Variants in KCNH8 observed in about 807,000 individuals in gnomAD.
KCNH8 encodes the protein voltage-gated delayed rectifier potassium channel KCNH8.
In KCNH8, 70 loss-of-function variants were observed where a neutral mutation model predicts 103.6. The observed-to-expected ratio is 0.68, with a 90% confidence interval of 0.56 to 0.82. The LOEUF (loss-of-function observed/expected upper bound fraction) is 0.82, where lower values mean the gene tolerates loss of function less well. Among genes scored for constraint, KCNH8 ranks in the 40% least tolerant of loss-of-function variants. KCNH8 has a pLI of 0.00. For synonymous variants in KCNH8, 498 were observed against 489.4 expected (o/e 1.02, Z -0.23); for missense variants, 1,217 against 1,329.9 (o/e 0.92, Z 1.32).
At chr3:19,205,261 A>G (rs946697458) in intron 1 of KCNH8, among the ~76,000 whole-genome samples, 1 of 152,074 alleles carries the variant, frequency 6.6e-6, no homozygotes, top group African/African-American at 2.4e-5. Context: ...TAAGTTATTT[A>G]TAGTCTAATG....
At chr3:19,278,545 G>A (rs1271930634) in intron 2 of KCNH8, among the ~76,000 whole-genome samples, 5 of 130,340 alleles carry the variant, frequency 3.8e-5, no homozygotes, top group Non-Finnish European at 6.5e-5. Context: ...AAATAAGGGA[G>A]GAAGGGAGGG....
chr3:19,284,552 T>TGTGG (rs1491346037), intron 3 of KCNH8, among the ~76,000 whole-genome samples: 1 of 135,248 alleles, frequency 7.4e-6, no homozygotes, highest in African/African-American at 2.7e-5. Flanking sequence ...TGTGTGTGTG[T>TGTGG]GAGGGAGAGA....
intron 2 of KCNH8, among the ~76,000 whole-genome samples, chr3:19,260,318 A>G (rs2064413356): frequency 6.6e-6 from 1 of 151,122 alleles, no homozygotes; most frequent in African/African-American, 2.4e-5. Context: ...TGAATCAGGT[A>G]TATTCATATT....
chr3:19,284,293 A>G (rs2064797419), intron 3 of KCNH8, among the ~76,000 whole-genome samples: 1 of 152,150 alleles, frequency 6.6e-6, no homozygotes, highest in Admixed American at 6.6e-5. Context: ...TTTAAGAGAT[A>G]TAAATGGCAT....
intron 7 of KCNH8, 109 bp from the exon 8 acceptor site, chr3:19,438,055 C>T (rs930070732): frequency 3.5e-6 from 3 of 852,352 alleles, no homozygotes; most frequent in Non-Finnish European, 5.7e-6. Flanking sequence ...CTTCTTCTTC[C>T]TCTGAGCAAA....
intron 11 of KCNH8, among the ~76,000 whole-genome samples, chr3:19,469,826 C>T (rs533418162): frequency 6.6e-6 from 1 of 152,248 alleles, no homozygotes; most frequent in Non-Finnish European, 1.5e-5. Flanking sequence ...TCTCAGTGCC[C>T]CTTCTCTTCT....
At chr3:19,377,324 C>G (rs368711102) in intron 5 of KCNH8, among the ~76,000 whole-genome samples, 1 of 152,144 alleles carries the variant, frequency 6.6e-6, no homozygotes. Context: ...GGTTCCTGAT[C>G]AGGGCATTGA....
intron 2 of KCNH8, among the ~76,000 whole-genome samples, chr3:19,271,824 C>T (rs186964629): frequency 2.6e-5 from 4 of 152,218 alleles, no homozygotes; most frequent in East Asian, 3.9e-4. Context: ...CCACATGCAA[C>T]GCCATCTAAA....
rs373757809 is a variant in KCNH8, at chr3:19,314,253, A to G, written c.443-28334A>G. 8.5e-5 allele frequency among the ~76,000 whole-genome samples: 13 copies of G among 152,060 alleles called. 1 individual carries two copies. Among genetic ancestry groups the G allele is most frequent in the Admixed American group, 4.6e-4 (7 of 15,244 alleles). On this transcript the variant is annotated intron_variant, in intron 3 of 15. Transcript: ENST00000328405. ...TATGATAGTAAATATTGTGGGCTTT[A>G]TGGACCATATAAAGTCTATTGATAC...
intron 1 of KCNH8, among the ~76,000 whole-genome samples, chr3:19,224,178 A>G (rs1426190644): frequency 6.6e-6 from 1 of 152,170 alleles, no homozygotes; most frequent in African/African-American, 2.4e-5. Context: ...TAAGTAGAGT[A>G]CCCTAACTCA....
At chr3:19,226,506 T>C (rs1414752921) in intron 1 of KCNH8, among the ~76,000 whole-genome samples, 1 of 152,068 alleles carries the variant, frequency 6.6e-6, no homozygotes, top group Non-Finnish European at 1.5e-5. Context: ...CCGAGTTACA[T>C]TTTGGAGGCA....
chr3:19,512,969 G>C lies in KCNH8; in HGVS notation c.2080-1G>C. 6.2e-7 allele frequency: 1 copy of C among 1,612,336 alleles called. No homozygotes were observed. Among genetic ancestry groups the C allele is most frequent in the East Asian group, 2.2e-5 (1 of 44,844 alleles). On this transcript the variant is annotated splice_acceptor_variant, in intron 12 of 15. Transcript: ENST00000328405. LOFTEE classifies it high-confidence loss of function. ...CTAATTTATATTATCCACTGATTTA[G>C]TCAGAGCCCAAGGGAAATGGCAACA...
chr3:19,490,165 G>A (rs1330057001), intron 11 of KCNH8, among the ~76,000 whole-genome samples: 1 of 152,242 alleles, frequency 6.6e-6, no homozygotes, highest in Non-Finnish European at 1.5e-5. Flanking sequence ...GCAGGCCTAA[G>A]CTGACTAAGG....
chr3:19,216,721 A>G (rs2063821628), intron 1 of KCNH8, among the ~76,000 whole-genome samples: 1 of 152,148 alleles, frequency 6.6e-6, no homozygotes, highest in Admixed American at 6.5e-5. Flanking sequence ...TGTGCTGCTC[A>G]CTCATTGATA....
chr3:19,176,754 G>C (rs138915222), intron 1 of KCNH8, among the ~76,000 whole-genome samples: 78 of 152,062 alleles, frequency 5.1e-4, no homozygotes, highest in Admixed American at 1.4e-3. Context: ...GTGTGTATAT[G>C]ATATACAGTT....
At chr3:19,469,246 A>T (rs992957331) in intron 11 of KCNH8, among the ~76,000 whole-genome samples, 1 of 152,156 alleles carries the variant, frequency 6.6e-6, no homozygotes, top group Non-Finnish European at 1.5e-5. Flanking sequence ...CAGGCCCAAC[A>T]AGTGTTTTGT....
At chr3:19,375,637 C>T (rs886790369) in intron 5 of KCNH8, among the ~76,000 whole-genome samples, 37 of 152,238 alleles carry the variant, frequency 2.4e-4, no homozygotes, top group Admixed American at 3.3e-4. Context: ...AGCTTTGTTC[C>T]GTTGCTGGTG....
intron 10 of KCNH8, among the ~76,000 whole-genome samples, chr3:19,455,442 T>C (rs1196155466): frequency 1.3e-5 from 2 of 152,088 alleles, no homozygotes; most frequent in Non-Finnish European, 2.9e-5. Flanking sequence ...CAAAGATCAA[T>C]AGTATAATGC....
At chr3:19,292,713 T>C (rs557823369) in intron 3 of KCNH8, among the ~76,000 whole-genome samples, 1 of 152,336 alleles carries the variant, frequency 6.6e-6, no homozygotes, top group East Asian at 1.9e-4. Context: ...GTGTTGGTTT[T>C]CTTCATCTTG....
Sources: allele counts gnomAD v4.1 joint callset (sites outside exome capture counted in the v4.1 genomes callset), GRCh38; gene constraint gnomAD v4.1.1; transcripts MANE v1.5; gene names NCBI Gene and HGNC (gene_info 2026-07-23, HGNC 2026-07-21).